The following GRIA3 variants were observed in gnomAD, a reference collection of about 807,000 sequenced individuals.
The protein encoded by GRIA3 is glutamate ionotropic receptor AMPA type subunit 3, also known as glutamate receptor 3.
GRIA3 carries 3 observed loss-of-function variants against 63.0 expected under a neutral mutation model. That is an observed-to-expected ratio of 0.05 (90% CI 0.02 to 0.12). The LOEUF is 0.12. Ranked by LOEUF, GRIA3 falls within the 10% of genes least tolerant of loss-of-function variation. The pLI, the probability that GRIA3 is intolerant of heterozygous loss-of-function variation, is 1.00. For synonymous variants in GRIA3, 274 were observed against 257.9 expected, an observed-to-expected ratio of 1.06 and a Z score of -0.60; for missense variants, 347 against 700.9, an observed-to-expected ratio of 0.50 and a Z score of 5.70.
At chrX:123,379,773 T>G (rs932616803) in intron 5 of GRIA3, among the ~76,000 whole-genome samples, 15 of 104,312 alleles carry the variant, frequency 1.4e-4, no homozygotes, top group African/African-American at 5.2e-4. Flanking sequence ...TAGGTATATC[T>G]CCTACTGCTA....
Position 123,345,038 on chromosome X carries a change from A to G in GRIA3, c.697-9872A>G, listed in dbSNP as rs767828992. On this transcript the variant is annotated intron_variant, in intron 4 of 15. Coordinates refer to ENST00000620443, the MANE Select transcript of GRIA3 (RefSeq NM_007325.5). ...TCTAGATTCCCCAGGTGATCCACAT[A>G]GTGTACACTTTGAGAAATACTGTCC... Among the ~76,000 whole-genome samples the G allele has an allele frequency of 4.5e-5, 5 of 111,211 alleles. No individual in the cohort carries two copies. In the East Asian group the frequency reaches 8.6e-4, roughly 19 times the overall value.
At chrX:123,429,832 C>T (rs1206318768) in intron 12 of GRIA3, among the ~76,000 whole-genome samples, 10 of 112,413 alleles carry the variant, frequency 8.9e-5, no homozygotes, top group African/African-American at 3.2e-4. Flanking sequence ...CACTGGAAAG[C>T]ATTTTTCTTT....
At chrX:123,351,077 C>T (rs1209219511) in intron 4 of GRIA3, among the ~76,000 whole-genome samples, 1 of 112,000 alleles carries the variant, frequency 8.9e-6, no homozygotes, top group Non-Finnish European at 1.9e-5. Context: ...ACTTGAAGTT[C>T]TGCAACTAAT....
intron 2 of GRIA3, among the ~76,000 whole-genome samples, chrX:123,243,708 A>T (rs190927347): frequency 8.9e-6 from 1 of 112,283 alleles, no homozygotes; most frequent in East Asian, 2.8e-4. Flanking sequence ...CCAGTACTAG[A>T]CTGTAAGCAC....
At chrX:123,222,297 A>G (rs2044223454) in intron 2 of GRIA3, among the ~76,000 whole-genome samples, 1 of 112,354 alleles carries the variant, frequency 8.9e-6, no homozygotes, top group Non-Finnish European at 1.9e-5. Flanking sequence ...TTATGAATCA[A>G]TGAACTCTGT....
chrX:123,458,737 G>T (rs149358363), intron 12 of GRIA3, among the ~76,000 whole-genome samples: 73 of 111,675 alleles, frequency 6.5e-4, no homozygotes, highest in African/African-American at 2.0e-3. Context: ...TAATGTATAA[G>T]CCTCAACTTA....
At position 123,326,268 on chromosome X, in the gene GRIA3, T is replaced by C. The variant is rs371183799; in HGVS notation, c.696+55T>C. The C allele has an allele frequency of 9.0e-5, 87 of 971,015 alleles. 1 individual carries two copies. In the African/African-American group the frequency reaches 9.5e-4, roughly 11 times the overall value. 80.0% of individuals were successfully genotyped at this position (971,015 alleles called of 1,213,427 possible). A position where few individuals can be genotyped will look rare whatever the true frequency, so the allele number is the denominator to read the frequency against. ...CAACATGTTAAATTATCAACCTAAGTCAGCTCCCATATCTGCTAATAAATT... is the reference window on the plus strand; with the variant it reads ...CAACATGTTAAATTATCAACCTAAGCCAGCTCCCATATCTGCTAATAAATT... On this transcript the variant is annotated intron_variant, in intron 4 of 15. Coordinates refer to ENST00000620443, the MANE Select transcript of GRIA3 (RefSeq NM_007325.5).
rs748084966 is a variant in GRIA3, at chrX:123,326,218, G to A, written c.696+5G>A. ...ATTAACACAATTTTGGAACAGGTACGTTTGAGATTTATTTCACCGCCAGCC... is the reference window on the plus strand; with the variant it reads ...ATTAACACAATTTTGGAACAGGTACATTTGAGATTTATTTCACCGCCAGCC... On this transcript the variant is annotated splice_donor_5th_base_variant and intron_variant, in intron 4 of 15. Coordinates refer to ENST00000620443, the MANE Select transcript of GRIA3 (RefSeq NM_007325.5). 3.3e-5 allele frequency: 39 copies of A among 1,191,064 alleles called. No homozygotes were observed. The highest frequency in any genetic ancestry group is 2.3e-4 in the Middle Eastern group (1 of 4,325).
chrX:123,350,357 A>G (rs1280357850), intron 4 of GRIA3, among the ~76,000 whole-genome samples: 1 of 111,244 alleles, frequency 9.0e-6, no homozygotes, highest in Non-Finnish European at 1.9e-5. Flanking sequence ...CAAATAACCT[A>G]ATCTGCATAC....
At chrX:123,273,778 C>T (rs1377029987) in intron 3 of GRIA3, among the ~76,000 whole-genome samples, 1 of 112,267 alleles carries the variant, frequency 8.9e-6, no homozygotes, top group East Asian at 2.8e-4. Context: ...CACTTCTTCT[C>T]GCTCAAATTA....
At chrX:123,466,637 G>A (rs2045835430) in intron 13 of GRIA3, among the ~76,000 whole-genome samples, 1 of 112,168 alleles carries the variant, frequency 8.9e-6, no homozygotes, top group African/African-American at 3.2e-5. Context: ...GGCAAGCTCA[G>A]AAGCCGCGAT....
At chrX:123,408,615 C>T (rs2045488567) in intron 10 of GRIA3, among the ~76,000 whole-genome samples, 2 of 111,977 alleles carry the variant, frequency 1.8e-5, no homozygotes, top group Admixed American at 9.5e-5. Context: ...ACTTAGATGC[C>T]TTCTCTCCAC....
intron 12 of GRIA3, among the ~76,000 whole-genome samples, chrX:123,461,753 C>T (rs1203965571): frequency 1.8e-5 from 2 of 110,798 alleles, no homozygotes; most frequent in Non-Finnish European, 3.8e-5. Context: ...AGTTAGGAAG[C>T]AAGATAGTCT....
At chrX:123,219,629 C>T (rs1255147452) in intron 2 of GRIA3, among the ~76,000 whole-genome samples, 1 of 111,935 alleles carries the variant, frequency 8.9e-6, no homozygotes, top group Non-Finnish European at 1.9e-5. Flanking sequence ...TAAATAGCTA[C>T]TACACCTTGT....
chrX:123,459,535 C>T (rs989943842), intron 12 of GRIA3, among the ~76,000 whole-genome samples: 3 of 112,182 alleles, frequency 2.7e-5, no homozygotes, highest in Non-Finnish European at 1.9e-5. Flanking sequence ...TGGGATTAAT[C>T]TGTTCCTTCT....
chrX:123,486,682 C>T (rs2045943867), intron 15 of GRIA3, among the ~76,000 whole-genome samples: 1 of 111,726 alleles, frequency 9.0e-6, no homozygotes, highest in African/African-American at 3.3e-5. Flanking sequence ...AGATCTTCAC[C>T]CACTCATCTT....
Position 123,184,575 on chromosome X carries a change from G to C in GRIA3, c.40G>C (p.Ala14Pro). ...GAAAATGGGGCAAAGCGTGCTCCGG[G>C]CGGTCTTCTTTTTAGTCCTGGGGCT... Reference protein sequence around the residue: ...QKKMGQSVLRAVFFLVLGLLG... With the variant: ...QKKMGQSVLRPVFFLVLGLLG... The change falls in exon 1 of 16, where the codon GCG becomes CCG. Residue 14 changes from alanine to proline, a missense_variant. By Grantham distance (27) the Ala-to-Pro change is conservative. Around this residue, in one of 8 missense-constraint regions of GRIA3, gnomAD observed 36 missense variants for 28.2 expected, o/e 1.28. Transcript: ENST00000620443. The C allele has an allele frequency of 8.3e-7, 1 of 1,210,559 alleles. No homozygotes were observed.
intron 2 of GRIA3, among the ~76,000 whole-genome samples, chrX:123,189,486 G>A (rs1421073282): frequency 1.8e-5 from 2 of 111,939 alleles, no homozygotes; most frequent in Non-Finnish European, 3.8e-5. Flanking sequence ...TCTTTCTGCT[G>A]TGCACTTGTA....
chrX:123,337,865 T>G (rs1265834468), intron 4 of GRIA3, among the ~76,000 whole-genome samples: 2 of 112,210 alleles, frequency 1.8e-5, no homozygotes, highest in African/African-American at 6.5e-5. Flanking sequence ...CCTGCTTCCT[T>G]TGACCAACAT....
Sources: gnomAD v4.1 joint callset for allele counts (sites outside exome capture counted in the v4.1 genomes callset) on GRCh38, gnomAD v4.1.1 for gene constraint, gnomAD v4.1.1 regional missense constraint, MANE v1.5 for transcripts, NCBI Gene and HGNC (gene_info 2026-07-23, HGNC 2026-07-21) for gene names.